The following PSMD5 variants were observed in gnomAD, a reference collection of about 807,000 sequenced individuals.
PSMD5 encodes proteasome 26S subunit, non-ATPase 5.
PSMD5 carries 40 observed loss-of-function variants against 52.1 expected under a neutral mutation model. The ratio of observed to expected loss-of-function variants is 0.77; its 90% CI spans 0.60 to 1.00. The LOEUF is 1.00. Among genes scored for constraint, PSMD5 ranks in the 50% least tolerant of loss-of-function variants. The pLI is 0.00. For synonymous variants in PSMD5, 211 were observed against 226.6 expected (o/e 0.93, Z 0.62); for missense variants, 575 against 605.2 (o/e 0.95, Z 0.52).
At chr9:120,834,653 C>A (rs2045186479) in intron 1 of PSMD5, among the ~76,000 whole-genome samples, 1 of 152,182 alleles carries the variant, frequency 6.6e-6, no homozygotes, top group Non-Finnish European at 1.5e-5. Context: ...TGAAAAGATG[C>A]ACAGAAGCCA....
chr9:120,829,831 TGTCA>T (rs528599434), intron 4 of PSMD5, among the ~76,000 whole-genome samples: 9 of 152,190 alleles, frequency 5.9e-5, no homozygotes, highest in Non-Finnish European at 1.2e-4. Flanking sequence ...TCAGGCATCC[TGTCA>T]GTCAGTCAGT....
intron 1 of PSMD5, among the ~76,000 whole-genome samples, chr9:120,839,999 G>A (rs970906859): frequency 3.3e-5 from 5 of 151,120 alleles, no homozygotes; most frequent in East Asian, 3.9e-4. Flanking sequence ...GTGGTGGCAC[G>A]TGCCTATAGT....
At chr9:120,833,033 C>G (rs528021376) in intron 2 of PSMD5, among the ~76,000 whole-genome samples, 32 of 152,304 alleles carry the variant, frequency 2.1e-4, no homozygotes, top group African/African-American at 7.7e-4. Context: ...GGCACCATGC[C>G]TGGCATGTAA....
rs1002472540 is a variant in PSMD5 at position 120,831,607 on chromosome 9, T to C, written c.433-148A>G. 4.3e-6 allele frequency: 5 copies of C among 1,154,982 alleles called. No individual in the cohort carries two copies. The African/African-American group carries it at 4.7e-5, about 11-fold the overall frequency. The allele number at this position is 1,154,982 out of a possible 1,614,324, so 71.5% of individuals were successfully genotyped here. A position where few individuals can be genotyped will look rare whatever the true frequency, so the allele number is the denominator to read the frequency against. ...TGGAAAAGACGCAAGGTATCCCCCATAGAATTATGATGGATACTGTAGATA... is the reference window on the plus strand; with the variant it reads ...TGGAAAAGACGCAAGGTATCCCCCACAGAATTATGATGGATACTGTAGATA... On this transcript the variant is annotated intron_variant, in intron 3 of 9. Coordinates refer to ENST00000210313, the MANE Select transcript of PSMD5 (RefSeq NM_005047.4).
At position 120,817,099 on chromosome 9, in the gene PSMD5, G is replaced by A. The variant is rs1362585246; in HGVS notation, c.*807C>T. 1 of 151,396 alleles carries A rather than the reference G, an allele frequency of 6.6e-6. No homozygotes were observed. The highest frequency in any genetic ancestry group is 6.6e-5 in the Admixed American group (1 of 15,188). 9.4% of individuals were successfully genotyped at this position (151,396 alleles called of 1,614,324 possible). A position where few individuals can be genotyped will look rare whatever the true frequency, so the allele number is the denominator to read the frequency against. ...ATAATAGTAACAAAAAAACAAGAGA[G>A]CTCATAAAAAGTATTCTGAGTATAA... On this transcript the variant is annotated 3_prime_UTR_variant, in exon 10 of 10. Transcript: ENST00000210313.
At chr9:120,822,164 G>C (rs1419824647) in intron 7 of PSMD5, among the ~76,000 whole-genome samples, 3 of 152,132 alleles carry the variant, frequency 2.0e-5, no homozygotes, top group East Asian at 1.9e-4. Context: ...AGTGAAAAAT[G>C]AGATTTTTTT....
At chr9:120,831,729 T>C in intron 3 of PSMD5, 103 bp downstream of exon 3, 1 of 1,479,746 alleles carries the variant, frequency 6.8e-7, no homozygotes, top group Non-Finnish European at 9.0e-7. Flanking sequence ...ATTACGCAAA[T>C]CATCCATTCT....
chr9:120,821,064 G>A, intron 8 of PSMD5, 85 bp from the exon 9 acceptor site: 3 of 1,354,208 alleles, frequency 2.2e-6, no homozygotes, highest in Non-Finnish European at 3.0e-6. Context: ...CCTGAGTGCT[G>A]ATGGCACTCT....
chr9:120,840,998 C>T (rs1222333065), intron 1 of PSMD5, among the ~76,000 whole-genome samples: 3 of 151,664 alleles, frequency 2.0e-5, no homozygotes, highest in East Asian at 2.0e-4. Context: ...GTGATCTGCC[C>T]GCCTCAGCCT....
chr9:120,831,608 A>T, intron 3 of PSMD5, 149 bp from the exon 4 acceptor site: 1 of 1,151,334 alleles, frequency 8.7e-7, no homozygotes, highest in South Asian at 1.6e-5. Context: ...TATCCCCCAT[A>T]GAATTATGAT....
At chr9:120,833,249 G>T in intron 2 of PSMD5, 63 bp downstream of exon 2, 1 of 1,531,836 alleles carries the variant, frequency 6.5e-7, no homozygotes, top group African/African-American at 1.4e-5. Flanking sequence ...TCATCTTTCT[G>T]TCCCAGTGCA....
chr9:120,833,193 G>A, intron 2 of PSMD5, 119 bp downstream of exon 2: 2 of 1,181,968 alleles, frequency 1.7e-6, no homozygotes, highest in Non-Finnish European at 2.4e-6. Flanking sequence ...GCAGAGGAGA[G>A]GGGGAGAAGG....
chr9:120,840,567 T>C (rs1443669466), intron 1 of PSMD5, among the ~76,000 whole-genome samples: 2 of 150,578 alleles, frequency 1.3e-5, no homozygotes, highest in Non-Finnish European at 3.0e-5. Context: ...TGCCTCAGCC[T>C]CCCAACTAGC....
intron 1 of PSMD5, among the ~76,000 whole-genome samples, chr9:120,837,180 C>T (rs904768708): frequency 1.3e-5 from 2 of 152,142 alleles, no homozygotes; most frequent in South Asian, 2.1e-4. Context: ...TTAGCCACCG[C>T]GCCCAGCCAA....
intron 6 of PSMD5, among the ~76,000 whole-genome samples, chr9:120,825,559 G>A (rs892593516): frequency 6.6e-6 from 1 of 152,070 alleles, no homozygotes; most frequent in Non-Finnish European, 1.5e-5. Context: ...ATGAACATAG[G>A]ATACCTTTCC....
At position 120,816,199 on chromosome 9, in the gene PSMD5, G is replaced by T. The variant is rs1270412960; in HGVS notation, c.*1707C>A. 1 of 152,374 alleles carries T rather than the reference G, an allele frequency of 6.6e-6. No individual in the cohort carries two copies. Among genetic ancestry groups the T allele is most frequent in the Non-Finnish European group, 1.5e-5 (1 of 68,172 alleles). The allele number at this position is 152,374 out of a possible 1,614,324, so 9.4% of individuals were successfully genotyped here. A position where few individuals can be genotyped will look rare whatever the true frequency, so the allele number is the denominator to read the frequency against. ...AATCAATGTCATGAAGCAGAATGGT[G>T]GTTGCCAGAGGCTGGGGAAAAGAGG... On this transcript the variant is annotated 3_prime_UTR_variant, in exon 10 of 10. Coordinates refer to ENST00000210313, the MANE Select transcript of PSMD5 (RefSeq NM_005047.4).
chr9:120,829,503 C>T (rs1248408700), intron 4 of PSMD5, among the ~76,000 whole-genome samples: 1 of 152,190 alleles, frequency 6.6e-6, no homozygotes, highest in African/African-American at 2.4e-5. Context: ...AAGCGATTCT[C>T]GTGCCTCAGC....
At chr9:120,822,640 G>A (rs764188612) in intron 7 of PSMD5, among the ~76,000 whole-genome samples, 13 of 151,852 alleles carry the variant, frequency 8.6e-5, no homozygotes, top group South Asian at 6.2e-4. Flanking sequence ...AGGTTCAAGC[G>A]ATTCTCCTGC....
chr9:120,830,799 A>C (rs528942652), intron 4 of PSMD5, among the ~76,000 whole-genome samples: 1 of 152,280 alleles, frequency 6.6e-6, no homozygotes, highest in South Asian at 2.1e-4. Context: ...AGCTGGTACA[A>C]ATAAGGGCCA....
Sources: allele counts gnomAD v4.1 joint callset (sites outside exome capture counted in the v4.1 genomes callset), GRCh38; gene constraint gnomAD v4.1.1; transcripts MANE v1.5; gene names NCBI Gene and HGNC (gene_info 2026-07-23, HGNC 2026-07-21).